The following MLC1 variants were observed in gnomAD, a reference collection of about 807,000 sequenced individuals.
MLC1 encodes the protein modulator of VRAC current 1.
Under a neutral mutation model 44.7 loss-of-function variants are expected in MLC1, and 32 were observed. That is an observed-to-expected ratio of 0.72 (90% CI 0.54 to 0.96). The LOEUF is 0.96. Ranked by LOEUF, MLC1 falls within the 40% of genes least tolerant of loss-of-function variation. The pLI is 0.00. For missense variants in MLC1, 459 were observed against 492.2 expected (o/e 0.93, Z 0.64); for synonymous variants, 190 against 213.0 (o/e 0.89, Z 0.94).
chr22:50,074,778 C>G (rs1228497938), intron 7 of MLC1: 1 of 227,486 alleles, frequency 4.4e-6, no homozygotes, highest in African/African-American at 2.2e-5. Context: ...TGTGGGTTTG[C>G]CATTGCCACG....
At chr22:50,080,128 T>A (rs2146906010) in intron 4 of MLC1, 109 bp from the exon 5 acceptor site, 1 of 1,036,638 alleles carries the variant, frequency 9.6e-7, no homozygotes, top group East Asian at 2.5e-5. Flanking sequence ...GATTAGGACA[T>A]AATGGTGGGG....
intron 10 of MLC1, among the ~76,000 whole-genome samples, chr22:50,066,938 G>A (rs1323845796): frequency 6.6e-6 from 1 of 152,162 alleles, no homozygotes; most frequent in Non-Finnish European, 1.5e-5. Context: ...CGAACCCAGA[G>A]GATAACCCCA....
intron 10 of MLC1, among the ~76,000 whole-genome samples, chr22:50,068,092 A>C (rs1304209748): frequency 1.3e-5 from 2 of 152,230 alleles, no homozygotes; most frequent in Non-Finnish European, 2.9e-5. Context: ...ATTCTCCTTA[A>C]ATTCACCTGT....
Position 50,083,968 on chromosome 22 carries a change from G to A in MLC1, c.177+758C>T, listed in dbSNP as rs2062215343. Among the ~76,000 whole-genome samples, 5 of 152,174 alleles carry A rather than the reference G, an allele frequency of 3.3e-5. No homozygotes were observed. Among genetic ancestry groups the A allele is most frequent in the African/African-American group, 1.2e-4 (5 of 41,446 alleles). Reference sequence around the variant, plus strand: ...AGCTCCGAGGCAGACGCCTGTCTTGGTGGGGCATGCTCAGGCCACGGGAGG... The same window carrying A: ...AGCTCCGAGGCAGACGCCTGTCTTGATGGGGCATGCTCAGGCCACGGGAGG... On this transcript the variant is annotated intron_variant, in intron 2 of 11. Transcript: ENST00000311597. This position sits in a 1 kb window ranked among gnomAD's most constrained non-coding sequence, Gnocchi z 4.6.
intron 9 of MLC1, 55 bp from the exon 10 acceptor site, chr22:50,068,610 AGCGGGCGTGGCCAGGGCTGGGGGG>A: frequency 8.5e-7 from 1 of 1,171,942 alleles, no homozygotes; most frequent in Non-Finnish European, 1.2e-6. Flanking sequence ...AGCCCAGGAC[AGCGGGCGTGGCCAGGGCTGGGGGG>A]GCGGGCATGG....
In MLC1 at chr22:50,083,015, A is replaced by C; in HGVS notation, c.267+69T>G. On this transcript the variant is annotated intron_variant, in intron 3 of 11. Coordinates refer to ENST00000311597, the MANE Select transcript of MLC1 (RefSeq NM_015166.4). The surrounding 1 kb of genome is among the most constrained non-coding windows in gnomAD (Gnocchi z 4.6). ...CAGGTGACAGAAACCTGCACATCTC[A>C]GAACAAAGAAACCAGAGCACGTGCC... 2.0e-6 allele frequency: 3 copies of C among 1,474,184 alleles called. No individual in the cohort carries two copies. The highest frequency in any genetic ancestry group is 2.8e-6 in the Non-Finnish European group (3 of 1,054,842). 91.3% of individuals were successfully genotyped at this position (1,474,184 alleles called of 1,614,324 possible). A position where few individuals can be genotyped will look rare whatever the true frequency, so the allele number is the denominator to read the frequency against.
chr22:50,080,314 T>C (rs1357075495), intron 4 of MLC1, 30 bp downstream of exon 4: 1 of 1,595,714 alleles, frequency 6.3e-7, no homozygotes, highest in Non-Finnish European at 8.5e-7. Context: ...GCTTTCTCCC[T>C]GGCAGAGGCT....
chr22:50,071,338 C>T (rs1178795485), intron 8 of MLC1, among the ~76,000 whole-genome samples: 2 of 152,146 alleles, frequency 1.3e-5, no homozygotes, highest in South Asian at 2.1e-4. Context: ...GTGATCCGCC[C>T]GCCTCGGCCT....
At position 50,061,317 on chromosome 22, in the gene MLC1, G is replaced by C. The variant is rs1420735669; in HGVS notation, c.*266C>G. On this transcript the variant is annotated 3_prime_UTR_variant, in exon 12 of 12. Transcript: ENST00000311597. ...GAGGCCGAGCCGGGGGCCCTTCCTCGGCCTGGGAAGTTGCGGCCATGCTCC... is the reference window on the plus strand; with the variant it reads ...GAGGCCGAGCCGGGGGCCCTTCCTCCGCCTGGGAAGTTGCGGCCATGCTCC... 5.7e-6 allele frequency: 3 copies of C among 530,290 alleles called. No individual in the cohort carries two copies. The highest frequency in any genetic ancestry group is 6.2e-5 in the Admixed American group (2 of 32,102). The allele number at this position is 530,290 out of a possible 1,614,324, so 32.8% of individuals were successfully genotyped here.
chr22:50,083,285 C>T lies in MLC1; in HGVS notation c.178-112G>A. The T allele has an allele frequency of 1.1e-6, 1 of 927,644 alleles. No homozygotes were observed. Among genetic ancestry groups the T allele is most frequent in the Non-Finnish European group, 1.7e-6 (1 of 583,188 alleles). The allele number at this position is 927,644 out of a possible 1,614,324, so 57.5% of individuals were successfully genotyped here. A position where few individuals can be genotyped will look rare whatever the true frequency, so the allele number is the denominator to read the frequency against. ...TGTATTGGTGACTCACCCACGTCCC[C>T]CAGCATCAACCACACCCGCACCTGG... is the stretch of plus-strand genomic sequence containing the variant. On this transcript the variant is annotated intron_variant, in intron 2 of 11. Coordinates refer to ENST00000311597, the MANE Select transcript of MLC1 (RefSeq NM_015166.4). This position sits in a 1 kb window ranked among gnomAD's most constrained non-coding sequence, Gnocchi z 4.6.
chr22:50,074,807 AC>A (rs1269879190), intron 7 of MLC1: 1 of 205,410 alleles, frequency 4.9e-6, no homozygotes, highest in Non-Finnish European at 1.0e-5. Context: ...GGACGTCACC[AC>A]CCCTTTCCGT....
intron 11 of MLC1, 84 bp from the exon 12 acceptor site, chr22:50,061,741 C>G (rs892995236): frequency 2.4e-6 from 3 of 1,273,300 alleles, no homozygotes; most frequent in African/African-American, 2.9e-5. Context: ...CCACAGGCAG[C>G]GAGCAGCCAG....
chr22:50,076,727 C>A (rs923383677), intron 7 of MLC1, 114 bp downstream of exon 7: 17 of 1,069,552 alleles, frequency 1.6e-5, no homozygotes, highest in Non-Finnish European at 2.3e-5. Context: ...CGCCGCCATG[C>A]GGTGTAGACA....
chr22:50,071,115 CTT>C (rs11414043), intron 8 of MLC1, among the ~76,000 whole-genome samples: 2 of 146,778 alleles, frequency 1.4e-5, no homozygotes. Flanking sequence ...TCTTCTTCTC[CTT>C]TTTTTTTTTA....
At chr22:50,063,586 C>T (rs1194303384) in intron 11 of MLC1, among the ~76,000 whole-genome samples, 5 of 151,912 alleles carry the variant, frequency 3.3e-5, no homozygotes, top group Non-Finnish European at 5.9e-5. Flanking sequence ...GTCGTGTGGC[C>T]CTCGGAGGCC....
At chr22:50,084,657 C>A (rs546874662) in intron 2 of MLC1, 69 bp downstream of exon 2, 1 of 1,545,714 alleles carries the variant, frequency 6.5e-7, no homozygotes, top group Non-Finnish European at 8.9e-7. Flanking sequence ...GGCTCCAGGG[C>A]GCTGCAGTCC....
At position 50,085,228 on chromosome 22, in the gene MLC1, C is replaced by T. The variant is rs988724488; in HGVS notation, c.-60+127G>A. On this transcript the variant is annotated intron_variant, in intron 1 of 11. Transcript: ENST00000311597. ...TCCAGGTGCAACACCTGACAACATC[C>T]ATCGGCAACTTCGTCCATGAACACA... 1.0e-4 allele frequency: 128 copies of T among 1,239,272 alleles called. 1 individual carries two copies. The African/African-American group carries it at 1.9e-3, about 18-fold the overall frequency. 76.8% of individuals were successfully genotyped at this position (1,239,272 alleles called of 1,614,324 possible). A position where few individuals can be genotyped will look rare whatever the true frequency, so the allele number is the denominator to read the frequency against.
Position 50,083,742 on chromosome 22 carries a change from G to T in MLC1, c.178-569C>A, listed in dbSNP as rs1039505632. The stretch of plus-strand genomic sequence containing the variant: ...CGGTGGGGAGGGGGCTCTCTCTCAC[G>T]CACAGCACCCCCGGGGTGAGTCTGA... On this transcript the variant is annotated intron_variant, in intron 2 of 11. Coordinates refer to ENST00000311597, the MANE Select transcript of MLC1 (RefSeq NM_015166.4). The surrounding 1 kb of genome is among the most constrained non-coding windows in gnomAD (Gnocchi z 4.6). Among the ~76,000 whole-genome samples the T allele has an allele frequency of 6.6e-6, 1 of 152,226 alleles. No homozygotes were observed. Among genetic ancestry groups the T allele is most frequent in the South Asian group, 2.1e-4 (1 of 4,812 alleles).
rs1004890725 is a variant in MLC1 at position 50,059,977 on chromosome 22, G to A, written c.*1606C>T. ...CTGTTCCGCAGTGGGAAACCTGGGAGGGTCCTCAAACCCCCTGGCAGGGTC... is the reference window on the plus strand; with the variant it reads ...CTGTTCCGCAGTGGGAAACCTGGGAAGGTCCTCAAACCCCCTGGCAGGGTC... On this transcript the variant is annotated 3_prime_UTR_variant, in exon 12 of 12. Coordinates refer to ENST00000311597, the MANE Select transcript of MLC1 (RefSeq NM_015166.4). The A allele has an allele frequency of 7.9e-5, 12 of 152,320 alleles. No individual in the cohort carries two copies. The highest frequency in any genetic ancestry group is 2.9e-4 in the African/African-American group (12 of 41,452). 9.4% of individuals were successfully genotyped at this position (152,320 alleles called of 1,614,324 possible). A position where few individuals can be genotyped will look rare whatever the true frequency, so the allele number is the denominator to read the frequency against.
Sources: gnomAD v4.1 joint callset for allele counts (sites outside exome capture counted in the v4.1 genomes callset) on GRCh38, gnomAD v4.1.1 for gene constraint, Gnocchi (gnomAD v3.1) non-coding constraint, MANE v1.5 for transcripts, NCBI Gene and HGNC (gene_info 2026-07-23, HGNC 2026-07-21) for gene names.